Variants in PLCL1 observed in about 807,000 individuals in gnomAD.
PLCL1 encodes inactive phospholipase C-like protein 1.
Under a neutral mutation model 84.4 loss-of-function variants are expected in PLCL1, and 41 were observed. That is an observed-to-expected ratio of 0.49 (90% CI 0.38 to 0.63). The LOEUF (loss-of-function observed/expected upper bound fraction) is 0.63. PLCL1 is among the 30% of genes least tolerant of loss of function. The pLI is 0.00. For missense variants in PLCL1, 1,206 were observed against 1,367.8 expected, an observed-to-expected ratio of 0.88 and a Z score of 1.87; for synonymous variants, 490 against 488.3, an observed-to-expected ratio of 1.00 and a Z score of -0.05.
chr2:197,839,008 T>G (rs934401581), intron 1 of PLCL1, among the ~76,000 whole-genome samples: 2 of 152,366 alleles, frequency 1.3e-5, no homozygotes, highest in African/African-American at 4.8e-5. Flanking sequence ...GGAAAAGTAT[T>G]GCCTTATATA....
intron 1 of PLCL1, among the ~76,000 whole-genome samples, chr2:197,942,290 T>C (rs777867398): frequency 1.3e-5 from 2 of 152,152 alleles, no homozygotes; most frequent in African/African-American, 4.8e-5. Context: ...TTTAACTTTT[T>C]TAAAAAATTG....
At chr2:198,146,330 CTT>C (rs1490358410) in intron 5 of PLCL1, among the ~76,000 whole-genome samples, 3 of 152,174 alleles carry the variant, frequency 2.0e-5, no homozygotes, top group African/African-American at 7.2e-5. Flanking sequence ...ACAGAAGACA[CTT>C]TGCTTTGTAA....
intron 5 of PLCL1, among the ~76,000 whole-genome samples, chr2:198,135,727 C>T (rs1248573588): frequency 6.6e-6 from 1 of 152,156 alleles, no homozygotes; most frequent in Non-Finnish European, 1.5e-5. Context: ...CCCGTAGGAA[C>T]CTATCTTATG....
At chr2:197,845,168 A>G (rs940420090) in intron 1 of PLCL1, among the ~76,000 whole-genome samples, 19 of 152,222 alleles carry the variant, frequency 1.2e-4, no homozygotes, top group African/African-American at 4.3e-4. Context: ...AGGCAAAAAA[A>G]TGACACAAGA....
intron 1 of PLCL1, among the ~76,000 whole-genome samples, chr2:197,869,932 A>C (rs945849492): frequency 6.6e-6 from 1 of 152,172 alleles, no homozygotes; most frequent in Non-Finnish European, 1.5e-5. Context: ...GATTTTGTAA[A>C]AAGGTTTCAA....
chr2:198,073,380 A>G (rs1692505963), intron 1 of PLCL1, among the ~76,000 whole-genome samples: 1 of 152,202 alleles, frequency 6.6e-6, no homozygotes, highest in Admixed American at 6.5e-5. Context: ...GAACATGAGC[A>G]GATGCTGATG....
intron 1 of PLCL1, among the ~76,000 whole-genome samples, chr2:197,915,115 C>G (rs1401093): frequency 6.6e-6 from 1 of 151,658 alleles, no homozygotes; most frequent in Non-Finnish European, 1.5e-5. Flanking sequence ...ATGCTCTGGA[C>G]AGTTTGCAGC....
At chr2:197,955,519 A>G (rs1288390005) in intron 1 of PLCL1, among the ~76,000 whole-genome samples, 4 of 149,310 alleles carry the variant, frequency 2.7e-5, no homozygotes, top group African/African-American at 4.9e-5. Context: ...TGCTGCTCCT[A>G]TTGATCTTTC....
At chr2:197,952,103 G>T (rs2105782955) in intron 1 of PLCL1, among the ~76,000 whole-genome samples, 1 of 152,214 alleles carries the variant, frequency 6.6e-6, no homozygotes, top group East Asian at 1.9e-4. Context: ...CAGCCTGGGT[G>T]TTTACACTCA....
At chr2:198,000,007 A>G (rs1483575614) in intron 1 of PLCL1, among the ~76,000 whole-genome samples, 1 of 152,226 alleles carries the variant, frequency 6.6e-6, no homozygotes. Context: ...TTAAATATAC[A>G]AATTTCCACT....
chr2:197,862,968 A>G lies in PLCL1; in HGVS notation c.240+57629A>G, dbSNP rs147427101. Among the ~76,000 whole-genome samples, 29 of 152,272 alleles carry G rather than the reference A, an allele frequency of 1.9e-4. No individual in the cohort carries two copies. The East Asian group carries it at 5.4e-3, about 28-fold the overall frequency. ...AGGGTAAAGCTGACATGGCAAGCCA[A>G]ACACAGCTAGGGTCTATTACAAATG... On this transcript the variant is annotated intron_variant, in intron 1 of 5. Coordinates refer to ENST00000428675, the MANE Select transcript of PLCL1 (RefSeq NM_006226.4).
At chr2:197,876,881 A>G (rs1385515618) in intron 1 of PLCL1, among the ~76,000 whole-genome samples, 1 of 152,186 alleles carries the variant, frequency 6.6e-6, no homozygotes, top group Non-Finnish European at 1.5e-5. Context: ...TATGCTATAG[A>G]TTTTATTTAT....
At chr2:197,981,347 T>G (rs1454638823) in intron 1 of PLCL1, among the ~76,000 whole-genome samples, 1 of 152,254 alleles carries the variant, frequency 6.6e-6, no homozygotes, top group East Asian at 1.9e-4. Flanking sequence ...ATTTAGATTC[T>G]AAGGTAGATT....
At chr2:197,847,754 T>C (rs1429032174) in intron 1 of PLCL1, among the ~76,000 whole-genome samples, 1 of 152,248 alleles carries the variant, frequency 6.6e-6, no homozygotes, top group Non-Finnish European at 1.5e-5. Flanking sequence ...TGAAACATTT[T>C]AGGCCGTCAG....
intron 1 of PLCL1, among the ~76,000 whole-genome samples, chr2:197,947,366 G>C (rs1689300590): frequency 6.6e-6 from 1 of 151,882 alleles, no homozygotes; most frequent in Admixed American, 6.6e-5. Flanking sequence ...CCTGTCCCCA[G>C]AGTTTCTAAT....
chr2:197,903,468 A>ATTT lies in PLCL1; in HGVS notation c.240+98160_240+98162dup, dbSNP rs3056105. 8.6e-3 allele frequency among the ~76,000 whole-genome samples: 409 copies of ATTT among 47,814 alleles called. 64 individuals are homozygous for ATTT. Among genetic ancestry groups the ATTT allele is most frequent in the Middle Eastern group, 0.028 (1 of 36 alleles). The allele number at this position is 47,814 out of a possible 152,430, so 31.4% of individuals were successfully genotyped here. A position where few individuals can be genotyped will look rare whatever the true frequency, so the allele number is the denominator to read the frequency against. ...GTATCTTCCTTTTTACTCCATTTAA[A>ATTT]TTTTTTTTTTTTTTTTTTTTTTTTT... On this transcript the variant is annotated intron_variant, in intron 1 of 5. Transcript: ENST00000428675.
chr2:197,961,639 T>TTATAA (rs3068222), intron 1 of PLCL1, among the ~76,000 whole-genome samples: 108,666 of 151,260 alleles, frequency 0.72, 39,946 homozygotes, highest in African/African-American at 0.87. Flanking sequence ...AACTGTAGTC[T>TTATAA]TATTAATATT....
At chr2:197,822,564 T>C (rs1306250213) in intron 1 of PLCL1, among the ~76,000 whole-genome samples, 2 of 152,168 alleles carry the variant, frequency 1.3e-5, no homozygotes, top group Non-Finnish European at 2.9e-5. Flanking sequence ...ACTTTATGTG[T>C]ATTAACTCTT....
intron 1 of PLCL1, among the ~76,000 whole-genome samples, chr2:198,021,188 C>A (rs978103425): frequency 2.6e-5 from 4 of 152,128 alleles, no homozygotes; most frequent in Admixed American, 6.6e-5. Flanking sequence ...TAAATAAGTT[C>A]TTTGAAACCA....
Sources: allele counts gnomAD v4.1 joint callset (sites outside exome capture counted in the v4.1 genomes callset), GRCh38; gene constraint gnomAD v4.1.1; transcripts MANE v1.5; gene names NCBI Gene and HGNC (gene_info 2026-07-23, HGNC 2026-07-21).